The following PTPRG variants were observed in gnomAD, a reference collection of about 807,000 sequenced individuals.
The protein encoded by PTPRG is protein tyrosine phosphatase receptor type G, also known as receptor-type tyrosine-protein phosphatase gamma.
Under a neutral mutation model 165.3 loss-of-function variants are expected in PTPRG, and 102 were observed. The observed-to-expected ratio is 0.62, with a 90% CI of 0.53 to 0.73. PTPRG has a LOEUF of 0.73. PTPRG is among the 30% of genes least tolerant of loss of function. The pLI, the probability that PTPRG is intolerant of heterozygous loss-of-function variation, is 0.00. For missense variants in PTPRG, 1,866 were observed against 1,861.4 expected (o/e 1.00, Z -0.05); for synonymous variants, 675 against 669.5 (o/e 1.01, Z -0.13).
At chr3:61,840,288 C>A (rs1443764800) in intron 2 of PTPRG, among the ~76,000 whole-genome samples, 1 of 150,784 alleles carries the variant, frequency 6.6e-6, no homozygotes, top group East Asian at 1.9e-4. Context: ...TGCTAGTTTT[C>A]TGTCTGAATA....
intron 2 of PTPRG, among the ~76,000 whole-genome samples, chr3:61,877,200 A>G (rs1340269610): frequency 6.6e-6 from 1 of 152,230 alleles, no homozygotes; most frequent in Admixed American, 6.5e-5. Context: ...TTTAAAGTCC[A>G]CAGTTTCTGG....
At chr3:61,795,160 CT>C (rs931134399) in intron 2 of PTPRG, among the ~76,000 whole-genome samples, 1 of 152,136 alleles carries the variant, frequency 6.6e-6, no homozygotes, top group African/African-American at 2.4e-5. Context: ...GAATAAGTAG[CT>C]TTTCTAAGGT....
chr3:61,856,922 G>A (rs76399610), intron 2 of PTPRG, among the ~76,000 whole-genome samples: 7,673 of 152,228 alleles, frequency 0.05, 352 homozygotes, highest in Non-Finnish European at 0.064. Flanking sequence ...ACTGCTATAT[G>A]ATGTCTTGAC....
chr3:61,866,151 C>T (rs1467828908), intron 2 of PTPRG, among the ~76,000 whole-genome samples: 1 of 152,202 alleles, frequency 6.6e-6, no homozygotes, highest in East Asian at 1.9e-4. Flanking sequence ...GGTCCTCCTG[C>T]ATCCAGGAAT....
At chr3:62,261,979 C>T (rs767147582) in intron 16 of PTPRG, 11 of 152,118 alleles carry the variant, frequency 7.2e-5, no homozygotes, top group African/African-American at 1.2e-4. Flanking sequence ...TTTGTTCAGG[C>T]TCTTTGTAGC....
At chr3:61,725,707 C>T (rs1051999372) in intron 1 of PTPRG, among the ~76,000 whole-genome samples, 14 of 139,762 alleles carry the variant, frequency 1.0e-4, no homozygotes, top group African/African-American at 3.5e-4. Context: ...CCACTACCCC[C>T]ACCTTTTTTT....
At position 62,213,965 on chromosome 3, in the gene PTPRG, G is replaced by C. The variant is rs1022262124; in HGVS notation, c.2156-4886G>C. ...TCCCAGCACTTTGAGTGGGGGCTGA[G>C]GCAGGAGGATCCCTTGAGCCCAGAA... On this transcript the variant is annotated intron_variant, in intron 12 of 29. Coordinates refer to ENST00000474889, the MANE Select transcript of PTPRG (RefSeq NM_002841.4). This position sits in a 1 kb window ranked among gnomAD's most constrained non-coding sequence, Gnocchi z 4.4. Among the ~76,000 whole-genome samples, 3 of 152,142 alleles carry C rather than the reference G, an allele frequency of 2.0e-5. No homozygotes were observed. The highest frequency in any genetic ancestry group is 7.2e-5 in the African/African-American group (3 of 41,428).
chr3:61,986,922 T>C (rs1352620769), intron 2 of PTPRG, among the ~76,000 whole-genome samples: 2 of 152,234 alleles, frequency 1.3e-5, no homozygotes, highest in Admixed American at 1.3e-4. Context: ...TTAGTATCTT[T>C]TTTTTTTCTT....
intron 4 of PTPRG, among the ~76,000 whole-genome samples, chr3:62,039,296 A>G (rs1700053270): frequency 6.7e-6 from 1 of 148,478 alleles, no homozygotes; most frequent in Non-Finnish European, 1.5e-5. Flanking sequence ...GAAGTGTTGT[A>G]TGTCTACTCT....
chr3:61,695,601 C>T (rs894567800), intron 1 of PTPRG, among the ~76,000 whole-genome samples: 35 of 152,108 alleles, frequency 2.3e-4, no homozygotes, highest in African/African-American at 7.2e-4. Flanking sequence ...GGAATTAATT[C>T]GGGATTTTAC....
At chr3:61,744,730 TTATC>T (rs2033130436) in intron 1 of PTPRG, among the ~76,000 whole-genome samples, 1 of 152,168 alleles carries the variant, frequency 6.6e-6, no homozygotes, top group South Asian at 2.1e-4. Flanking sequence ...AATGAGTAGT[TTATC>T]TAGTTAAAAA....
At chr3:62,223,515 C>G (rs930683738) in intron 13 of PTPRG, among the ~76,000 whole-genome samples, 46 of 152,228 alleles carry the variant, frequency 3.0e-4, no homozygotes, top group African/African-American at 1.1e-3. Context: ...CTAAAAGGGC[C>G]CCTCAGAGGA....
intron 4 of PTPRG, among the ~76,000 whole-genome samples, chr3:62,062,082 C>G (rs2106693372): frequency 6.6e-6 from 1 of 151,740 alleles, no homozygotes; most frequent in Non-Finnish European, 1.5e-5. Context: ...GGTGGATCAC[C>G]TGAGGTTGGG....
chr3:62,017,814 A>G (rs544490650), intron 4 of PTPRG, among the ~76,000 whole-genome samples: 22 of 152,294 alleles, frequency 1.4e-4, no homozygotes, highest in African/African-American at 4.8e-4. Flanking sequence ...GATTGTTTCA[A>G]TTAGTCAATG....
intron 2 of PTPRG, among the ~76,000 whole-genome samples, chr3:61,926,712 A>G (rs1035250691): frequency 6.6e-6 from 1 of 151,672 alleles, no homozygotes; most frequent in East Asian, 2.0e-4. Flanking sequence ...ACTCCCATTC[A>G]TATAAATGCC....
In PTPRG at chr3:61,971,435, C is replaced by G. The variant is rs576942784; in HGVS notation, c.191-18190C>G. 2.6e-5 allele frequency among the ~76,000 whole-genome samples: 4 copies of G among 152,264 alleles called. No individual in the cohort carries two copies. In the East Asian group the frequency reaches 7.7e-4, roughly 29 times the overall value. On this transcript the variant is annotated intron_variant, in intron 2 of 29. Coordinates refer to ENST00000474889, the MANE Select transcript of PTPRG (RefSeq NM_002841.4). The stretch of plus-strand genomic sequence containing the variant: ...TTTTGTCAAGGCAATACTAGGAAAT[C>G]AGTATTTGTATGGATATTCCATATT...
chr3:61,631,847 G>A (rs1701781960), intron 1 of PTPRG, among the ~76,000 whole-genome samples: 1 of 152,148 alleles, frequency 6.6e-6, no homozygotes, highest in Non-Finnish European at 1.5e-5. Flanking sequence ...TAAACAAGAT[G>A]TGGAACCTCC....
chr3:61,689,926 C>A (rs1171215899), intron 1 of PTPRG, among the ~76,000 whole-genome samples: 1 of 152,150 alleles, frequency 6.6e-6, no homozygotes, highest in Non-Finnish European at 1.5e-5. Flanking sequence ...TGAAGATTTT[C>A]TAGCTAGAAA....
At chr3:61,815,027 T>G (rs1487826833) in intron 2 of PTPRG, among the ~76,000 whole-genome samples, 2 of 151,996 alleles carry the variant, frequency 1.3e-5, no homozygotes, top group East Asian at 1.9e-4. Context: ...TGCCTCAGAC[T>G]CAGGTTTTTT....
Sources: gnomAD v4.1 joint callset for allele counts (sites outside exome capture counted in the v4.1 genomes callset) on GRCh38, gnomAD v4.1.1 for gene constraint, Gnocchi (gnomAD v3.1) non-coding constraint, MANE v1.5 for transcripts, NCBI Gene and HGNC (gene_info 2026-07-23, HGNC 2026-07-21) for gene names.